The following GUCY1A2 variants were observed in gnomAD, a reference collection of about 807,000 sequenced individuals.
GUCY1A2 encodes guanylate cyclase 1 soluble subunit alpha 2, also known as guanylate cyclase soluble subunit alpha-2.
Under a neutral mutation model 63.5 loss-of-function variants are expected in GUCY1A2, and 27 were observed. The ratio of observed to expected loss-of-function variants is 0.43; its 90% CI spans 0.31 to 0.59. The LOEUF (loss-of-function observed/expected upper bound fraction) is 0.59, where lower values mean the gene tolerates loss of function less well. Among genes scored for constraint, GUCY1A2 ranks in the 20% least tolerant of loss-of-function variants. The pLI, the probability that GUCY1A2 is intolerant of heterozygous loss-of-function variation, is 0.11. For synonymous variants in GUCY1A2, 364 were observed against 343.5 expected (o/e 1.06, Z -0.66); for missense variants, 768 against 913.3 (o/e 0.84, Z 2.05).
chr11:106,806,197 A>G (rs1393060071), intron 5 of GUCY1A2, among the ~76,000 whole-genome samples: 3 of 152,262 alleles, frequency 2.0e-5, no homozygotes, highest in Admixed American at 6.5e-5. Context: ...ATTTACTACT[A>G]TGTACCAGAT....
chr11:106,807,437 T>C (rs965156596), intron 5 of GUCY1A2, among the ~76,000 whole-genome samples: 2 of 152,228 alleles, frequency 1.3e-5, no homozygotes, highest in African/African-American at 4.8e-5. Context: ...ACAGGACTAA[T>C]ATCATTTTGT....
At chr11:106,839,973 C>T (rs1220354089) in intron 4 of GUCY1A2, among the ~76,000 whole-genome samples, 1 of 151,734 alleles carries the variant, frequency 6.6e-6, no homozygotes, top group African/African-American at 2.4e-5. Flanking sequence ...CAAACCTGCA[C>T]GTTGTGCACA....
In GUCY1A2 at chr11:106,834,470, T is replaced by C. The variant is rs998542440; in HGVS notation, c.1207-23992A>G. ...GACAAATCAGATGCCAAGTTCATTT[T>C]TGTTTGTTTATTCTAAAGTATTCCA... On this transcript the variant is annotated intron_variant, in intron 4 of 7. Transcript: ENST00000526355. Among the ~76,000 whole-genome samples, 10 of 152,012 alleles carry C rather than the reference T, an allele frequency of 6.6e-5. 1 individual carries two copies. Among genetic ancestry groups the C allele is most frequent in the African/African-American group, 1.9e-4 (8 of 41,426 alleles).
intron 7 of GUCY1A2, among the ~76,000 whole-genome samples, chr11:106,707,160 T>G (rs1050993347): frequency 2.6e-5 from 4 of 152,128 alleles, no homozygotes; most frequent in African/African-American, 9.7e-5. Flanking sequence ...AGCTTTAAAA[T>G]GTATTTTTAA....
intron 6 of GUCY1A2, among the ~76,000 whole-genome samples, chr11:106,720,452 C>T (rs1016047318): frequency 6.6e-6 from 1 of 152,060 alleles, no homozygotes; most frequent in Non-Finnish European, 1.5e-5. Flanking sequence ...TGGAATCTGA[C>T]CCATCATTTA....
intron 6 of GUCY1A2, among the ~76,000 whole-genome samples, chr11:106,771,547 C>T (rs983076146): frequency 3.3e-5 from 5 of 152,120 alleles, no homozygotes; most frequent in South Asian, 2.1e-4. Flanking sequence ...CAGGAGTTCA[C>T]GACCAGCTTG....
chr11:106,867,680 C>A (rs565791356), intron 4 of GUCY1A2, among the ~76,000 whole-genome samples: 2 of 152,090 alleles, frequency 1.3e-5, no homozygotes, highest in Non-Finnish European at 2.9e-5. Flanking sequence ...AAAATTCAAG[C>A]TTAATAGACT....
chr11:106,907,443 T>G (rs1454345829), intron 4 of GUCY1A2, among the ~76,000 whole-genome samples: 4 of 152,094 alleles, frequency 2.6e-5, no homozygotes, highest in Non-Finnish European at 4.4e-5. Flanking sequence ...TTAGGGTACA[T>G]GTGCACAATG....
intron 5 of GUCY1A2, among the ~76,000 whole-genome samples, chr11:106,788,695 C>G (rs1418419069): frequency 6.6e-6 from 1 of 152,120 alleles, no homozygotes; most frequent in Non-Finnish European, 1.5e-5. Context: ...GCACCTTTGT[C>G]AAAATTGAGT....
At chr11:106,809,641 T>A (rs1408319790) in intron 5 of GUCY1A2, among the ~76,000 whole-genome samples, 1 of 152,136 alleles carries the variant, frequency 6.6e-6, no homozygotes, top group Non-Finnish European at 1.5e-5. Flanking sequence ...CAAAATAAAA[T>A]TCTTAGTTTA....
At chr11:106,725,109 G>T (rs1218196754) in intron 6 of GUCY1A2, among the ~76,000 whole-genome samples, 1 of 143,816 alleles carries the variant, frequency 7.0e-6, no homozygotes, top group Non-Finnish European at 1.5e-5. Context: ...GAACAACTCA[G>T]ATATTTATGA....
At chr11:106,709,186 ATAAC>A (rs1227661081) in intron 6 of GUCY1A2, among the ~76,000 whole-genome samples, 2 of 125,472 alleles carry the variant, frequency 1.6e-5, no homozygotes, top group Non-Finnish European at 3.2e-5. Context: ...TATATTATAT[ATAAC>A]TATATATAAT....
intron 5 of GUCY1A2, among the ~76,000 whole-genome samples, chr11:106,806,516 A>G (rs1007483725): frequency 6.6e-6 from 1 of 152,206 alleles, no homozygotes; most frequent in Non-Finnish European, 1.5e-5. Flanking sequence ...AGTCAATGCC[A>G]TTATTATTGT....
At chr11:106,937,182 T>C (rs1288385424) in intron 4 of GUCY1A2, among the ~76,000 whole-genome samples, 1 of 152,170 alleles carries the variant, frequency 6.6e-6, no homozygotes, top group Admixed American at 6.5e-5. Flanking sequence ...TGAGTAGATT[T>C]CTATCCTTAT....
At chr11:106,764,458 A>G (rs1231227346) in intron 6 of GUCY1A2, among the ~76,000 whole-genome samples, 1 of 152,136 alleles carries the variant, frequency 6.6e-6, no homozygotes, top group Non-Finnish European at 1.5e-5. Context: ...ACTCTTGACA[A>G]AAAGTCCCTT....
At chr11:106,698,867 T>C (rs974697230) in intron 7 of GUCY1A2, among the ~76,000 whole-genome samples, 2 of 143,270 alleles carry the variant, frequency 1.4e-5, no homozygotes, top group Non-Finnish European at 3.2e-5. Context: ...TGGTCATTCA[T>C]TTATTTAATC....
intron 2 of GUCY1A2, among the ~76,000 whole-genome samples, chr11:106,980,653 G>A (rs779243147): frequency 6.6e-6 from 1 of 152,166 alleles, no homozygotes; most frequent in Non-Finnish European, 1.5e-5. Context: ...ATAATTCTTG[G>A]AAATACTTGG....
chr11:106,739,371 C>G (rs963040811), intron 6 of GUCY1A2, among the ~76,000 whole-genome samples: 5 of 152,158 alleles, frequency 3.3e-5, no homozygotes, highest in Non-Finnish European at 7.4e-5. Context: ...ACTGAATTCC[C>G]AGGGAATCAA....
Position 106,991,247 on chromosome 11 carries a change from C to T in GUCY1A2, c.304-5116G>A, listed in dbSNP as rs141621776. On this transcript the variant is annotated intron_variant, in intron 1 of 7. Transcript: ENST00000526355. ...TCCTGACCTTAAGTGATCCACCCAC[C>T]TCAGCTTCTCAATGCGCTGGGATTA... is the stretch of plus-strand genomic sequence containing the variant. Among the ~76,000 whole-genome samples the T allele has an allele frequency of 1.5e-3, 231 of 152,218 alleles. 1 individual carries two copies. The highest frequency in any genetic ancestry group is 5.2e-3 in the African/African-American group (217 of 41,544).
Sources: gnomAD v4.1 joint callset for allele counts (sites outside exome capture counted in the v4.1 genomes callset) on GRCh38, gnomAD v4.1.1 for gene constraint, MANE v1.5 for transcripts, NCBI Gene and HGNC (gene_info 2026-07-23, HGNC 2026-07-21) for gene names.